The following AQP7 variants were observed in gnomAD, a reference collection of about 807,000 sequenced individuals.
AQP7 encodes aquaporin 7.
A neutral mutation model predicts 26.1 loss-of-function variants in AQP7; 22 were observed. That is an observed-to-expected ratio of 0.84 (90% CI 0.60 to 1.20). AQP7 has a LOEUF of 1.20. AQP7 is among the 50% of genes most tolerant of loss of function. The pLI is 0.00. For missense variants in AQP7, 412 were observed against 457.5 expected (o/e 0.90, Z 0.91); for synonymous variants, 167 against 181.7 (o/e 0.92, Z 0.65).
In AQP7 at chr9:33,386,387, C is replaced by G; in HGVS notation, c.406+17G>C. 1 of 1,610,112 alleles carries G rather than the reference C, an allele frequency of 6.2e-7. No individual in the cohort carries two copies. The highest frequency in any genetic ancestry group is 8.5e-7 in the Non-Finnish European group (1 of 1,178,544). ...GGCGGCTGAGGCCAGAGGCGGACAC[C>G]CGGGCAGGATACTCACTGTAGAAGA... is the stretch of plus-strand genomic sequence containing the variant. On this transcript the variant is annotated intron_variant, in intron 5 of 7. Transcript: ENST00000297988.
chr9:33,397,395 C>T (rs1013304311), intron 2 of AQP7, among the ~76,000 whole-genome samples: 1 of 152,198 alleles, frequency 6.6e-6, no homozygotes, highest in African/African-American at 2.4e-5. Flanking sequence ...AGGGTCTCTT[C>T]TTCAGGGCTG....
intron 2 of AQP7, among the ~76,000 whole-genome samples, chr9:33,400,166 G>A (rs1035160790): frequency 1.3e-4 from 20 of 152,152 alleles, no homozygotes; most frequent in East Asian, 1.9e-4. Flanking sequence ...CATTCTCTCC[G>A]TCCAAGTGTA....
At chr9:33,398,999 C>T (rs1211619878) in intron 2 of AQP7, among the ~76,000 whole-genome samples, 9 of 140,398 alleles carry the variant, frequency 6.4e-5, no homozygotes, top group African/African-American at 2.1e-4. Flanking sequence ...GAGACAGGGT[C>T]TCACTCTGTC....
rs1467746411 is a variant in AQP7, at chr9:33,385,848, G to T, written c.544C>A (p.Leu182Ile). 1 of 1,609,764 alleles carries T rather than the reference G, an allele frequency of 6.2e-7. No homozygotes were observed. The highest frequency in any genetic ancestry group is 8.5e-7 in the Non-Finnish European group (1 of 1,177,926). ...GTGATGGCGAAGAGACACAGCTGGA[G>T]CATCCCGGTCAGCCACGCCTGAGGA... is the stretch of plus-strand genomic sequence containing the variant. ...FLNEAWLTGM[L>I]QLCLFAITDQ... Residue 182 changes from leucine to isoleucine, a missense_variant, in exon 7 of 8, where the codon CTC (leucine) becomes ATC (isoleucine). Leu to Ile is a conservative substitution (Grantham distance 5). Transcript: ENST00000297988.
At chr9:33,396,373 G>T in intron 2 of AQP7, among the ~76,000 whole-genome samples, 1 of 145,724 alleles carries the variant, frequency 6.9e-6, no homozygotes, top group Non-Finnish European at 1.5e-5. Flanking sequence ...GGGAGATGGA[G>T]GTTGTGGTGA....
intron 2 of AQP7, among the ~76,000 whole-genome samples, chr9:33,399,809 G>A (rs545660229): frequency 4.6e-5 from 7 of 152,168 alleles, no homozygotes; most frequent in African/African-American, 9.6e-5. Flanking sequence ...AAGAATGGGC[G>A]GGTGGTGGCC....
At chr9:33,392,488 G>C (rs1162897384) in intron 3 of AQP7, among the ~76,000 whole-genome samples, 2 of 152,054 alleles carry the variant, frequency 1.3e-5, no homozygotes, top group East Asian at 3.9e-4. Flanking sequence ...AAGGGGCTTA[G>C]CATCACAGAG....
intron 3 of AQP7, among the ~76,000 whole-genome samples, chr9:33,389,571 C>T (rs1467841901): frequency 6.6e-6 from 1 of 152,046 alleles, no homozygotes; most frequent in South Asian, 2.1e-4. Flanking sequence ...TGCTTTTTAC[C>T]TTTTTAATGT....
rs771635412 is a variant in AQP7, at chr9:33,386,456, C to T, written c.354G>A (p.Gly118=). The change falls in exon 5 of 8, where the codon GGG becomes GGA. Residue 118 remains glycine (G), a synonymous_variant. Transcript: ENST00000297988. ...PWRKFPVYVL[G]QFLGSFLAAA... is the part of the protein sequence containing the mutation. ...CCGCCAGGAAGGAGCCCAGGAACTG[C>T]CCCAGCACATAGACCGGAAACTTCC... The T allele has an allele frequency of 1.2e-5, 19 of 1,611,512 alleles. No individual in the cohort carries two copies. Among genetic ancestry groups the T allele is most frequent in the Middle Eastern group, 1.7e-4 (1 of 6,050 alleles).
chr9:33,394,532 C>T (rs1262241357), intron 3 of AQP7, among the ~76,000 whole-genome samples: 3 of 145,898 alleles, frequency 2.1e-5, no homozygotes, highest in Admixed American at 7.0e-5. Context: ...AGTTTCGCTC[C>T]TGTCACCCAG....
chr9:33,383,484 C>T lies in AQP7; in HGVS notation c.*1521G>A, dbSNP rs1159631910. ...AAACCGGAAGCCATTTCTGACTCCT[C>T]CCTCTCCCTCACCCACTCCATCCAA... On this transcript the variant is annotated 3_prime_UTR_variant, in exon 8 of 8. Coordinates refer to ENST00000297988, the MANE Select transcript of AQP7 (RefSeq NM_001170.3). The T allele has an allele frequency of 1.3e-5, 2 of 152,230 alleles. No homozygotes were observed. The highest frequency in any genetic ancestry group is 2.9e-5 in the Non-Finnish European group (2 of 68,116). The allele number at this position is 152,230 out of a possible 1,614,324, so 9.4% of individuals were successfully genotyped here.
At chr9:33,396,374 G>T (rs1825847033) in intron 2 of AQP7, among the ~76,000 whole-genome samples, 1 of 146,466 alleles carries the variant, frequency 6.8e-6, no homozygotes, top group African/African-American at 2.5e-5. Flanking sequence ...GGAGATGGAG[G>T]TTGTGGTGAG....
intron 1 of AQP7, chr9:33,401,612 C>A (rs1320209461): frequency 8.2e-6 from 3 of 367,290 alleles, no homozygotes; most frequent in Middle Eastern, 8.6e-4. Flanking sequence ...CTCATATTTG[C>A]GTGCTATACC....
At chr9:33,392,218 G>A (rs201183063) in intron 3 of AQP7, among the ~76,000 whole-genome samples, 5 of 151,908 alleles carry the variant, frequency 3.3e-5, no homozygotes, top group African/African-American at 1.2e-4. Flanking sequence ...AGAGGCTGAG[G>A]CGCAAGAATC....
At chr9:33,389,949 A>AC (rs1825223802) in intron 3 of AQP7, among the ~76,000 whole-genome samples, 2 of 148,908 alleles carry the variant, frequency 1.3e-5, no homozygotes, top group Non-Finnish European at 3.0e-5. Context: ...AATTGCTTGA[A>AC]CCCAAGACGC....
intron 2 of AQP7, among the ~76,000 whole-genome samples, chr9:33,397,208 A>G (rs936053062): frequency 4.6e-5 from 7 of 151,818 alleles, no homozygotes; most frequent in Admixed American, 4.6e-4. Flanking sequence ...CATAGTAGGC[A>G]TAGTAGATTC....
At position 33,384,762 on chromosome 9, in the gene AQP7, C is replaced by T. The variant is rs151108214; in HGVS notation, c.*243G>A. The T allele has an allele frequency of 2.1e-4, 102 of 482,714 alleles. No individual in the cohort carries two copies. Among genetic ancestry groups the T allele is most frequent in the African/African-American group, 1.5e-3 (77 of 51,252 alleles). 29.9% of individuals were successfully genotyped at this position (482,714 alleles called of 1,614,324 possible). A position where few individuals can be genotyped will look rare whatever the true frequency, so the allele number is the denominator to read the frequency against. On this transcript the variant is annotated 3_prime_UTR_variant, in exon 8 of 8. Coordinates refer to ENST00000297988, the MANE Select transcript of AQP7 (RefSeq NM_001170.3). The stretch of plus-strand genomic sequence containing the variant: ...TCATTCTGTCGTTCTTTCATCTCAC[C>T]CTGTTCCTACTGAGGGCGCAGGTCA...
intron 1 of AQP7, among the ~76,000 whole-genome samples, chr9:33,402,142 C>T (rs1158241289): frequency 6.6e-6 from 1 of 152,188 alleles, no homozygotes; most frequent in Non-Finnish European, 1.5e-5. Flanking sequence ...CAACAACCAA[C>T]TTACAGGTAA....
Position 33,399,757 on chromosome 9 carries a change from G to A in AQP7, c.26+1480C>T, listed in dbSNP as rs182378615. ...AGAGAAGCAGCCTGGGACTGGGGGAGCTCAGGGAAGGCATGGGAGGTGAGG... is the reference window on the plus strand; with the variant it reads ...AGAGAAGCAGCCTGGGACTGGGGGAACTCAGGGAAGGCATGGGAGGTGAGG... On this transcript the variant is annotated intron_variant, in intron 2 of 7. Coordinates refer to ENST00000297988, the MANE Select transcript of AQP7 (RefSeq NM_001170.3). 6.5e-4 allele frequency among the ~76,000 whole-genome samples: 99 copies of A among 152,252 alleles called. 2 individuals are homozygous for A. In the East Asian group the frequency reaches 0.014, roughly 21 times the overall value.
Sources: allele counts gnomAD v4.1 joint callset (sites outside exome capture counted in the v4.1 genomes callset), GRCh38; gene constraint gnomAD v4.1.1; transcripts MANE v1.5; gene names NCBI Gene and HGNC (gene_info 2026-07-23, HGNC 2026-07-21).